The following C6orf58 variants were observed in gnomAD, a reference collection of about 807,000 sequenced individuals.
C6orf58 encodes chromosome 6 open reading frame 58.
C6orf58 carries 30 observed loss-of-function variants against 37.0 expected under a neutral mutation model. The observed-to-expected ratio is 0.81, with a 90% CI of 0.61 to 1.10. The LOEUF is 1.10. Ranked by LOEUF, C6orf58 falls within the 50% of genes least tolerant of loss-of-function variation. C6orf58 has a pLI of 0.00. For missense variants in C6orf58, 368 were observed against 387.5 expected, an observed-to-expected ratio of 0.95 and a Z score of 0.42; for synonymous variants, 143 against 134.1, an observed-to-expected ratio of 1.07 and a Z score of -0.46.
At chr6:127,588,520 T>C (rs1043986344) in intron 4 of C6orf58, among the ~76,000 whole-genome samples, 6 of 152,218 alleles carry the variant, frequency 3.9e-5, no homozygotes, top group African/African-American at 1.4e-4. Context: ...ATTTTGTAGC[T>C]TGCATATACT....
At chr6:127,580,131 A>AT in intron 2 of C6orf58, 134 bp from the exon 3 acceptor site, 1 of 603,630 alleles carries the variant, frequency 1.7e-6, no homozygotes, top group East Asian at 2.8e-5. Context: ...TTTGTTCAAT[A>AT]TTTTTTTCCT....
In C6orf58 at chr6:127,590,092, A is replaced by T. The variant is rs755697977; in HGVS notation, c.680A>T (p.Asp227Val). The T allele has an allele frequency of 3.7e-6, 6 of 1,604,266 alleles. No individual in the cohort carries two copies. The highest frequency in any genetic ancestry group is 5.1e-6 in the Non-Finnish European group (6 of 1,172,194). ...CTTTTCCGTTTGTCTTTTAGATATG[A>T]TTATTATTCTAAAGCAGAAGCGCAT... ...DNIKSFEDRY[D>V]YYSKAEAHFE... Residue 227 changes from aspartate to valine, a missense_variant, in exon 5 of 6, where the codon GAT (aspartate) becomes GTT (valine). Transcript: ENST00000329722.
chr6:127,579,652 C>T (rs888158528), intron 2 of C6orf58, among the ~76,000 whole-genome samples: 2 of 151,980 alleles, frequency 1.3e-5, no homozygotes, highest in Admixed American at 6.6e-5. Context: ...ATGTCTGAGT[C>T]TGCTGGAATA....
In C6orf58 at chr6:127,581,233, G is replaced by C; in HGVS notation, c.625G>C (p.Ala209Pro). The change falls in exon 4 of 6, where the codon GCT becomes CCT. Residue 209 changes from alanine (A) to proline (P), a missense_variant. Transcript: ENST00000329722. ...TGATGATCTGTTGAAGTACTTATGGGCTGCACACACTTCAACCTTGGCAGA... is the reference window on the plus strand; with the variant it reads ...TGATGATCTGTTGAAGTACTTATGGCCTGCACACACTTCAACCTTGGCAGA... ...KFDDLLKYLW[A>P]AHTSTLADNI... 1 of 1,543,226 alleles carries C rather than the reference G, an allele frequency of 6.5e-7. No individual in the cohort carries two copies. The highest frequency in any genetic ancestry group is 8.8e-7 in the Non-Finnish European group (1 of 1,141,348).
At chr6:127,581,938 G>C (rs1035591112) in intron 4 of C6orf58, among the ~76,000 whole-genome samples, 1 of 152,148 alleles carries the variant, frequency 6.6e-6, no homozygotes, top group Non-Finnish European at 1.5e-5. Flanking sequence ...ATACTCTTAA[G>C]TTTGGTTGCA....
intron 4 of C6orf58, among the ~76,000 whole-genome samples, chr6:127,589,228 GATTCCA>G (rs1775136077): frequency 6.6e-6 from 1 of 152,164 alleles, no homozygotes; most frequent in Non-Finnish European, 1.5e-5. Flanking sequence ...GAAAGTGGTA[GATTCCA>G]CCTCAGGTGG....
Position 127,591,616 on chromosome 6 carries a change from CT to C in C6orf58, c.988del (p.Ser330ProfsTer34). The C allele has an allele frequency of 6.7e-7, 1 of 1,500,256 alleles. No homozygotes were observed. Among genetic ancestry groups the C allele is most frequent in the Non-Finnish European group, 8.9e-7 (1 of 1,129,074 alleles). The allele number at this position is 1,500,256 out of a possible 1,614,324, so 92.9% of individuals were successfully genotyped here. The part of the protein sequence containing the change: ...ESSSRSYGNN[S>X] Reference sequence around the variant, plus strand: ...CTAGCTCTAGAAGTTATGGAAATAACTCCTGAAACATTTAACTTCAAACTTC... The same window carrying C: ...CTAGCTCTAGAAGTTATGGAAATAACCCTGAAACATTTAACTTCAAACTTC... On this transcript the variant is annotated frameshift_variant, in exon 6 of 6. Transcript: ENST00000329722. LOFTEE classifies it high-confidence loss of function.
chr6:127,584,785 A>G (rs537576233), intron 4 of C6orf58, among the ~76,000 whole-genome samples: 185 of 53,664 alleles, frequency 3.4e-3, no homozygotes, highest in African/African-American at 0.011. Context: ...TCCATCTCCA[A>G]AAAAAAAAAA....
chr6:127,577,340 T>G lies in C6orf58; in HGVS notation c.155T>G (p.Ile52Ser), dbSNP rs759809424. The G allele has an allele frequency of 1.2e-6, 2 of 1,613,748 alleles. No homozygotes were observed. The highest frequency in any genetic ancestry group is 1.7e-6 in the Non-Finnish European group (2 of 1,179,708). Residue 52 changes from isoleucine (I) to serine (S), a missense_variant, in exon 1 of 6, where the codon ATT becomes AGT. Transcript: ENST00000329722. Reference protein sequence around the residue: ...DYRVENSMYIINPWVYLERMG... With the variant: ...DYRVENSMYISNPWVYLERMG... ...AGGGTGGAGAACAGCATGTACATTA[T>G]TAATCCCTGGGTATACCTTGAGAGA...
intron 4 of C6orf58, among the ~76,000 whole-genome samples, chr6:127,581,761 G>C (rs1366151548): frequency 1.3e-5 from 2 of 152,112 alleles, no homozygotes; most frequent in Admixed American, 6.6e-5. Context: ...GAAAAAGAAA[G>C]TGACATATGG....
chr6:127,580,471 G>T, intron 3 of C6orf58, 22 bp downstream of exon 3: 2 of 1,536,988 alleles, frequency 1.3e-6, no homozygotes, highest in South Asian at 2.3e-5. Flanking sequence ...ATACTCTTAC[G>T]AGATAGGAAG....
At chr6:127,578,854 A>G in intron 2 of C6orf58, 82 bp downstream of exon 2, 1 of 990,762 alleles carries the variant, frequency 1.0e-6, no homozygotes, top group Admixed American at 1.8e-5. Context: ...GGACAGAGAC[A>G]GAACTAAAAT....
In C6orf58 at chr6:127,577,617, T is replaced by C. The variant is rs1397030228; in HGVS notation, c.301+131T>C. On this transcript the variant is annotated intron_variant, in intron 1 of 5. Coordinates refer to ENST00000329722, the MANE Select transcript of C6orf58 (RefSeq NM_001010905.3). ...CTTTATCTTGTTCTCTTTTCCCTTATAATCATTGTTTTTCTACCTATCCTT... is the reference window on the plus strand; with the variant it reads ...CTTTATCTTGTTCTCTTTTCCCTTACAATCATTGTTTTTCTACCTATCCTT... 6 of 775,960 alleles carry C rather than the reference T, an allele frequency of 7.7e-6. No homozygotes were observed. In the Admixed American group the frequency reaches 7.8e-5, roughly 10 times the overall value. The allele number at this position is 775,960 out of a possible 1,614,324, so 48.1% of individuals were successfully genotyped here. A position where few individuals can be genotyped will look rare whatever the true frequency, so the allele number is the denominator to read the frequency against.
At chr6:127,579,774 A>G (rs1193203487) in intron 2 of C6orf58, among the ~76,000 whole-genome samples, 1 of 152,126 alleles carries the variant, frequency 6.6e-6, no homozygotes, top group South Asian at 2.1e-4. Context: ...GGATAAAATA[A>G]GATAAAAATT....
chr6:127,578,099 C>CA (rs1775009341), intron 1 of C6orf58, among the ~76,000 whole-genome samples: 1 of 151,832 alleles, frequency 6.6e-6, no homozygotes, highest in Admixed American at 6.6e-5. Flanking sequence ...ATGACACAGC[C>CA]AATAAAGAAA....
chr6:127,578,537 A>T (rs1386581204), intron 1 of C6orf58, 149 bp from the exon 2 acceptor site: 1 of 492,142 alleles, frequency 2.0e-6, no homozygotes, highest in Non-Finnish European at 3.6e-6. Context: ...AAAATAAAAG[A>T]TAAAAAAAGA....
intron 4 of C6orf58, among the ~76,000 whole-genome samples, chr6:127,583,773 G>C (rs1775074895): frequency 6.6e-6 from 1 of 152,140 alleles, no homozygotes; most frequent in East Asian, 1.9e-4. Flanking sequence ...GCTGCAAAGG[G>C]CTTCTTTTAT....
intron 4 of C6orf58, among the ~76,000 whole-genome samples, chr6:127,583,563 A>T (rs972257951): frequency 6.6e-6 from 1 of 152,164 alleles, no homozygotes; most frequent in South Asian, 2.1e-4. Context: ...ATGGGTGTAC[A>T]GTCCCAGGGG....
chr6:127,581,455 A>G (rs1344528770), intron 4 of C6orf58, among the ~76,000 whole-genome samples, 173 bp downstream of exon 4: 1 of 152,030 alleles, frequency 6.6e-6, no homozygotes, highest in African/African-American at 2.4e-5. Flanking sequence ...ATCAGGCTTA[A>G]AAAAGTGTTT....
Sources: allele counts gnomAD v4.1 joint callset (sites outside exome capture counted in the v4.1 genomes callset), GRCh38; gene constraint gnomAD v4.1.1; transcripts MANE v1.5; gene names NCBI Gene and HGNC (gene_info 2026-07-23, HGNC 2026-07-21).